The following DHX37 variants were observed in gnomAD, a reference collection of about 807,000 sequenced individuals.
DHX37 encodes the protein probable ATP-dependent RNA helicase DHX37.
A neutral mutation model predicts 134.3 loss-of-function variants in DHX37; 52 were observed. The observed-to-expected ratio is 0.39, with a 90% CI of 0.31 to 0.49. The LOEUF (loss-of-function observed/expected upper bound fraction) is 0.49, where lower values mean the gene tolerates loss of function less well. Ranked by LOEUF, DHX37 falls within the 20% of genes least tolerant of loss-of-function variation. DHX37 has a pLI of 0.93. For synonymous variants in DHX37, 634 were observed against 670.7 expected, an observed-to-expected ratio of 0.95 and a Z score of 0.85; for missense variants, 1,344 against 1,580.8, an observed-to-expected ratio of 0.85 and a Z score of 2.54.
chr12:124,964,176 C>T (rs1594487766), intron 15 of DHX37, among the ~76,000 whole-genome samples: 1 of 92,578 alleles, frequency 1.1e-5, no homozygotes, highest in African/African-American at 4.5e-5. Context: ...GCCTGGGTGA[C>T]AAGAGTGAAA....
intron 10 of DHX37, 142 bp from the exon 11 acceptor site, chr12:124,967,360 A>T: frequency 2.3e-6 from 2 of 877,816 alleles, no homozygotes; most frequent in South Asian, 3.4e-5. Context: ...ATAGATGAGC[A>T]GGGGGCAGCA....
intron 6 of DHX37, among the ~76,000 whole-genome samples, chr12:124,973,998 A>C (rs1201880736): frequency 7.0e-6 from 1 of 142,806 alleles, no homozygotes; most frequent in African/African-American, 2.6e-5. Context: ...CCCAGGCCAG[A>C]CTGCAGTGGT....
chr12:124,979,423 C>T (rs146093803), intron 4 of DHX37, among the ~76,000 whole-genome samples: 1 of 152,242 alleles, frequency 6.6e-6, no homozygotes, highest in East Asian at 1.9e-4. Context: ...GCTAAAACAA[C>T]CAACTATCCA....
chr12:124,953,690 A>T, intron 20 of DHX37, 190 bp downstream of exon 20: 1 of 1,025,014 alleles, frequency 9.8e-7, no homozygotes, highest in Non-Finnish European at 1.4e-6. Context: ...CGAATCTGTT[A>T]GTGCCCTGCT....
intron 18 of DHX37, among the ~76,000 whole-genome samples, chr12:124,956,229 C>A (rs1303332671): frequency 6.6e-6 from 1 of 152,136 alleles, no homozygotes; most frequent in Non-Finnish European, 1.5e-5. Context: ...GCGTGAAAGG[C>A]GGTTTCAGGA....
At chr12:124,975,574 A>C in intron 5 of DHX37, 63 bp from the exon 6 acceptor site, 2 of 1,548,730 alleles carry the variant, frequency 1.3e-6, no homozygotes, top group Non-Finnish European at 1.8e-6. Flanking sequence ...CCAAAGCCTC[A>C]TGCAGTTCCA....
intron 9 of DHX37, 74 bp downstream of exon 9, chr12:124,968,793 C>A: frequency 6.3e-6 from 10 of 1,599,594 alleles, no homozygotes; most frequent in Non-Finnish European, 8.5e-6. Context: ...CAAGTGAGGT[C>A]TCTCAGGGGG....
intron 23 of DHX37, 24 bp from the exon 24 acceptor site, chr12:124,950,267 C>A: frequency 6.2e-7 from 1 of 1,612,864 alleles, no homozygotes; most frequent in Admixed American, 1.7e-5. Flanking sequence ...GCCAGTGAGA[C>A]AGGGACCCTC....
At position 124,965,663 on chromosome 12, in the gene DHX37, C is replaced by G. The variant is rs775436563; in HGVS notation, c.1735+5G>C. 1 of 1,603,166 alleles carries G rather than the reference C, an allele frequency of 6.2e-7. No individual in the cohort carries two copies. The highest frequency in any genetic ancestry group is 8.5e-7 in the Non-Finnish European group (1 of 1,173,722). Reference sequence around the variant, plus strand: ...CATGAGCAGGAATCGGTGCTCGGGCCACACCTCCATCTTGCCCGCCATCCC... The same window carrying G: ...CATGAGCAGGAATCGGTGCTCGGGCGACACCTCCATCTTGCCCGCCATCCC... On this transcript the variant is annotated splice_donor_5th_base_variant and intron_variant, in intron 13 of 26. Transcript: ENST00000308736.
At chr12:124,985,201 T>G (rs1954842305) in intron 2 of DHX37, among the ~76,000 whole-genome samples, 1 of 152,128 alleles carries the variant, frequency 6.6e-6, no homozygotes, top group South Asian at 2.1e-4. Context: ...TGTGGTCATT[T>G]GTATGACATC....
In DHX37 at chr12:124,956,702, C is replaced by A. The variant is rs111567814; in HGVS notation, c.2442G>T (p.Glu814Asp). 1.9e-6 allele frequency: 3 copies of A among 1,571,904 alleles called. No individual in the cohort carries two copies. The highest frequency in any genetic ancestry group is 3.4e-4 in the Middle Eastern group (2 of 5,858). The change falls in exon 18 of 27, where the codon GAG becomes GAT. Residue 814 changes from glutamate to aspartate, a missense_variant. Transcript: ENST00000308736. ...VASMTVRELF[E>D]ELDRPAASDE... ...CGCCAACCTCGCACCTGTCCAGCTC[C>A]TCAAACAGCTCCCGCACCGTCATGC...
intron 1 of DHX37, 85 bp from the exon 2 acceptor site, chr12:124,986,350 G>C (rs1341444697): frequency 1.4e-6 from 2 of 1,478,602 alleles, no homozygotes; most frequent in Non-Finnish European, 1.8e-6. Flanking sequence ...TTGCATGGGG[G>C]CCTCCTGAGT....
rs1953903162 is a variant in DHX37 at position 124,947,820 on chromosome 12, G to T, written c.3456C>A (p.Pro1152=). 3 of 1,593,362 alleles carry T rather than the reference G, an allele frequency of 1.9e-6. No individual in the cohort carries two copies. The South Asian group carries it at 3.4e-5, about 18-fold the overall frequency. The part of the protein sequence containing the change: ...AMHPDIEKAW[P]PTTVH ...TTTCTGGTCAGTGGACAGTGGTGGG[G>T]GGCCAGGCTTTCTCGATATCGGGGT... The change falls in exon 27 of 27, where the codon CCC becomes CCA. Residue 1152 remains proline (P), a synonymous_variant. Coordinates refer to ENST00000308736, the MANE Select transcript of DHX37 (RefSeq NM_032656.4).
chr12:124,983,759 T>C (rs951709647), intron 2 of DHX37, among the ~76,000 whole-genome samples: 2 of 142,178 alleles, frequency 1.4e-5, no homozygotes, highest in African/African-American at 2.6e-5. Context: ...CACTCCAGCC[T>C]GGGCAACAGA....
chr12:124,971,513 A>T, intron 7 of DHX37, 98 bp from the exon 8 acceptor site: 4 of 1,520,258 alleles, frequency 2.6e-6, no homozygotes, highest in Non-Finnish European at 3.5e-6. Context: ...GTGTTAGAGG[A>T]AGGGCAGCTG....
chr12:124,947,681 G>A lies in DHX37; in HGVS notation c.*121C>T, dbSNP rs527694802. 7.6e-7 allele frequency: 1 copy of A among 1,312,916 alleles called. No homozygotes were observed. The highest frequency in any genetic ancestry group is 1.5e-5 in the African/African-American group (1 of 68,168). 81.3% of individuals were successfully genotyped at this position (1,312,916 alleles called of 1,614,324 possible). A position where few individuals can be genotyped will look rare whatever the true frequency, so the allele number is the denominator to read the frequency against. ...TCATGGATGAGGGTTCCCAGGGCTT[G>A]ACCCACTTCCTGAGAGCAGGCCACG... On this transcript the variant is annotated 3_prime_UTR_variant, in exon 27 of 27. Coordinates refer to ENST00000308736, the MANE Select transcript of DHX37 (RefSeq NM_032656.4).
chr12:124,957,206 G>A lies in DHX37; in HGVS notation c.2158-71C>T, dbSNP rs564452648. 1.2e-5 allele frequency: 16 copies of A among 1,367,892 alleles called. No individual in the cohort carries two copies. The African/African-American group carries it at 2.1e-4, about 18-fold the overall frequency. 84.7% of individuals were successfully genotyped at this position (1,367,892 alleles called of 1,614,324 possible). A position where few individuals can be genotyped will look rare whatever the true frequency, so the allele number is the denominator to read the frequency against. ...CAAGTCCGGTGCTCCTGCTCCGTCT[G>A]TGGCAGGCACTCCCTCCAACCCCTC... On this transcript the variant is annotated intron_variant, in intron 16 of 26. Coordinates refer to ENST00000308736, the MANE Select transcript of DHX37 (RefSeq NM_032656.4).
At chr12:124,960,175 G>A (rs1954203569) in intron 16 of DHX37, 137 bp downstream of exon 16, 2 of 1,421,922 alleles carry the variant, frequency 1.4e-6, no homozygotes, top group Non-Finnish European at 9.4e-7. Flanking sequence ...AGCCCTGGGA[G>A]CACCTGCTGA....
Position 124,965,756 on chromosome 12 carries a change from A to C in DHX37, c.1647T>G (p.Asp549Glu). ...HYSVLPAGEG[D>E]EDREAEVDEE... The stretch of plus-strand genomic sequence containing the variant: ...CATCCACTTCTGCCTCCCTGTCCTC[A>C]TCGCCTTCGCCTGCCGGTAACACCG... Residue 549 changes from aspartate to glutamate, a missense_variant, in exon 13 of 27, where the codon GAT (aspartate) becomes GAG (glutamate). Physicochemically the swap from Asp to Glu is conservative, Grantham distance 45. Transcript: ENST00000308736. 3 of 1,613,710 alleles carry C rather than the reference A, an allele frequency of 1.9e-6. No individual in the cohort carries two copies. Among genetic ancestry groups the C allele is most frequent in the Non-Finnish European group, 2.5e-6 (3 of 1,179,858 alleles).
Sources: gnomAD v4.1 joint callset for allele counts (sites outside exome capture counted in the v4.1 genomes callset) on GRCh38, gnomAD v4.1.1 for gene constraint, MANE v1.5 for transcripts, NCBI Gene and HGNC (gene_info 2026-07-23, HGNC 2026-07-21) for gene names.